TESK2: variants seen among roughly 807,000 people sequenced by gnomAD.
TESK2 encodes the protein dual specificity testis-specific protein kinase 2.
TESK2 carries 39 observed loss-of-function variants against 57.1 expected under a neutral mutation model. The ratio of observed to expected loss-of-function variants is 0.68; its 90% CI spans 0.53 to 0.89. The LOEUF is 0.89. Among genes scored for constraint, TESK2 ranks in the 40% least tolerant of loss-of-function variants. The probability of loss-of-function intolerance (pLI) is 0.00; values close to 1 mark genes in which losing one functional copy is unlikely to be tolerated. For synonymous variants in TESK2, 249 were observed against 267.9 expected (o/e 0.93, Z 0.69); for missense variants, 646 against 732.1 (o/e 0.88, Z 1.36).
intron 2 of TESK2, among the ~76,000 whole-genome samples, chr1:45,448,243 AAAAAAAAAAAAAG>A (rs1216714740): frequency 6.7e-6 from 1 of 148,322 alleles, no homozygotes; most frequent in African/African-American, 2.5e-5. Flanking sequence ...GTCTCAAAAA[AAAAAAAAAAAAAG>A]AAAAAAGAAA....
At chr1:45,464,493 T>C (rs1652461017) in intron 1 of TESK2, among the ~76,000 whole-genome samples, 1 of 152,178 alleles carries the variant, frequency 6.6e-6, no homozygotes, top group South Asian at 2.1e-4. Context: ...AGATTGTTCC[T>C]AGGTATTTTA....
intron 2 of TESK2, among the ~76,000 whole-genome samples, chr1:45,432,398 A>G (rs1050532623): frequency 8.5e-5 from 13 of 152,070 alleles, no homozygotes; most frequent in Admixed American, 2.6e-4. Context: ...ACTTAGAAAT[A>G]TACAATACAT....
intron 1 of TESK2, among the ~76,000 whole-genome samples, chr1:45,463,952 T>C (rs1652433619): frequency 6.6e-6 from 1 of 152,124 alleles, no homozygotes; most frequent in Non-Finnish European, 1.5e-5. Flanking sequence ...TGTGGTATAA[T>C]TTGAAGTCAA....
intron 4 of TESK2, among the ~76,000 whole-genome samples, chr1:45,384,816 C>T (rs1170460304): frequency 5.9e-5 from 9 of 151,846 alleles, no homozygotes; most frequent in Non-Finnish European, 2.9e-5. Context: ...GAGATACAGA[C>T]AGATTCAAAC....
At chr1:45,473,119 AC>A (rs1652840966) in intron 1 of TESK2, among the ~76,000 whole-genome samples, 1 of 148,576 alleles carries the variant, frequency 6.7e-6, no homozygotes, top group East Asian at 2.0e-4. Flanking sequence ...GTGCCACTGC[AC>A]TCCCTGGCAA....
At chr1:45,351,471 A>G (rs1647230755) in intron 5 of TESK2, among the ~76,000 whole-genome samples, 1 of 152,218 alleles carries the variant, frequency 6.6e-6, no homozygotes, top group South Asian at 2.1e-4. Flanking sequence ...TAAAGGTAAT[A>G]CTACTTTCAG....
chr1:45,381,630 G>T (rs905411529), intron 4 of TESK2, among the ~76,000 whole-genome samples: 1 of 152,124 alleles, frequency 6.6e-6, no homozygotes, highest in South Asian at 2.1e-4. Context: ...CAGCACAACT[G>T]CCAAATCTAG....
intron 3 of TESK2, among the ~76,000 whole-genome samples, chr1:45,391,311 T>C (rs1649136935): frequency 6.7e-6 from 1 of 149,664 alleles, no homozygotes; most frequent in African/African-American, 2.5e-5. Flanking sequence ...TCAACCTCAT[T>C]GGCTCACGTG....
At chr1:45,383,746 C>T (rs369495047) in intron 4 of TESK2, among the ~76,000 whole-genome samples, 2 of 152,054 alleles carry the variant, frequency 1.3e-5, no homozygotes, top group East Asian at 1.9e-4. Flanking sequence ...TGCTTGTTAG[C>T]GTCAGAACTC....
chr1:45,400,656 G>A (rs1213496351), intron 3 of TESK2, among the ~76,000 whole-genome samples: 1 of 152,116 alleles, frequency 6.6e-6, no homozygotes, highest in Non-Finnish European at 1.5e-5. Flanking sequence ...CAAATTCACG[G>A]TTCTGTATAA....
In TESK2 at chr1:45,380,197, G is replaced by A. The variant is rs565794104; in HGVS notation, c.393+5715C>T. On this transcript the variant is annotated intron_variant, in intron 4 of 10. Transcript: ENST00000372086. ...TTACAGGCATGAGCCACTGCACCTG[G>A]CTGGATAGTTTTCTTCATGGCAGAA... 1.8e-3 allele frequency among the ~76,000 whole-genome samples: 268 copies of A among 152,292 alleles called. 1 individual carries two copies. The highest frequency in any genetic ancestry group is 2.5e-3 in the Non-Finnish European group (167 of 68,030).
At position 45,415,790 on chromosome 1, in the gene TESK2, C is replaced by A. The variant is rs115044653; in HGVS notation, c.344+5935G>T. On this transcript the variant is annotated intron_variant, in intron 3 of 10. Coordinates refer to ENST00000372086, the MANE Select transcript of TESK2 (RefSeq NM_007170.3). ...GGCTTAGAGAGGTTAACTAAACTTT[C>A]CTAAGATCCAGGATTTGAATCCAGG... is the stretch of plus-strand genomic sequence containing the variant. Among the ~76,000 whole-genome samples the A allele has an allele frequency of 5.8e-3, 889 of 152,274 alleles. 10 individuals carry two copies. Among genetic ancestry groups the A allele is most frequent in the African/African-American group, 0.02 (840 of 41,566 alleles).
chr1:45,372,566 G>A (rs1168669695), intron 4 of TESK2, among the ~76,000 whole-genome samples: 3 of 151,258 alleles, frequency 2.0e-5, no homozygotes, highest in Admixed American at 6.6e-5. Flanking sequence ...GTGACAGAGC[G>A]AGACTGTCTC....
intron 1 of TESK2, among the ~76,000 whole-genome samples, chr1:45,468,564 A>G (rs1037552025): frequency 5.3e-5 from 8 of 152,212 alleles, no homozygotes; most frequent in Non-Finnish European, 8.8e-5. Flanking sequence ...AAGAAAATAC[A>G]TTATTTCAAA....
chr1:45,380,848 C>A (rs1210089392), intron 4 of TESK2, among the ~76,000 whole-genome samples: 1 of 152,116 alleles, frequency 6.6e-6, no homozygotes, highest in Non-Finnish European at 1.5e-5. Flanking sequence ...TTCCAAATAA[C>A]CCAGAATACA....
chr1:45,421,656 T>G (rs1650483771), intron 3 of TESK2, 69 bp downstream of exon 3: 2 of 1,588,934 alleles, frequency 1.3e-6, no homozygotes, highest in South Asian at 2.2e-5. Context: ...TTTTTCCTAT[T>G]AGTGCTATTC....
chr1:45,479,887 A>C (rs1653146971), intron 1 of TESK2, among the ~76,000 whole-genome samples: 1 of 135,124 alleles, frequency 7.4e-6, no homozygotes, highest in African/African-American at 2.9e-5. Context: ...GGCAAGATAG[A>C]TCTCGGCTCA....
intron 2 of TESK2, among the ~76,000 whole-genome samples, chr1:45,424,526 G>A (rs1240035223): frequency 6.6e-6 from 1 of 152,152 alleles, no homozygotes; most frequent in Non-Finnish European, 1.5e-5. Context: ...GATCCTGCAT[G>A]GATAAGTTAA....
At chr1:45,396,943 C>T (rs1649395265) in intron 3 of TESK2, among the ~76,000 whole-genome samples, 1 of 151,558 alleles carries the variant, frequency 6.6e-6, no homozygotes, top group African/African-American at 2.4e-5. Context: ...CTCAGCCTCC[C>T]AAGCAGCTGG....
Sources: allele counts gnomAD v4.1 joint callset (sites outside exome capture counted in the v4.1 genomes callset), GRCh38; gene constraint gnomAD v4.1.1; transcripts MANE v1.5; gene names NCBI Gene and HGNC (gene_info 2026-07-23, HGNC 2026-07-21).